BRCC3: variants seen among roughly 807,000 people sequenced by gnomAD.
BRCC3 encodes the protein lys-63-specific deubiquitinase BRCC36.
A neutral mutation model predicts 28.0 loss-of-function variants in BRCC3; 15 were observed. That is an observed-to-expected ratio of 0.54 (90% CI 0.36 to 0.82). The LOEUF (loss-of-function observed/expected upper bound fraction) is 0.82. Among genes scored for constraint, BRCC3 ranks in the 40% least tolerant of loss-of-function variants. The pLI is 0.01. For missense variants in BRCC3, 109 were observed against 225.9 expected (o/e 0.48, Z 3.32); for synonymous variants, 66 against 80.3 (o/e 0.82, Z 0.95).
At chrX:155,094,750 G>A (rs1362931350) in intron 7 of BRCC3, among the ~76,000 whole-genome samples, 1 of 111,808 alleles carries the variant, frequency 8.9e-6, no homozygotes, top group Non-Finnish European at 1.9e-5. Context: ...AGAAGGCTGC[G>A]GAAAATTGAA....
chrX:155,100,014 G>A (rs1399973446), intron 7 of BRCC3, among the ~76,000 whole-genome samples: 2 of 111,627 alleles, frequency 1.8e-5, no homozygotes, highest in Non-Finnish European at 3.8e-5. Context: ...GTTATTACTC[G>A]ATGTTTTTTA....
intron 7 of BRCC3, among the ~76,000 whole-genome samples, chrX:155,111,208 A>G (rs1010773862): frequency 8.9e-6 from 1 of 112,157 alleles, no homozygotes; most frequent in African/African-American, 3.2e-5. Flanking sequence ...TGTAAATTTT[A>G]CAACTGAAAA....
intron 8 of BRCC3, 48 bp downstream of exon 8, chrX:155,116,236 C>G (rs782448597): frequency 4.5e-6 from 5 of 1,106,034 alleles, no homozygotes; most frequent in Non-Finnish European, 6.0e-6. Flanking sequence ...GACCTAGTCT[C>G]TCTTTTCTTC....
chrX:155,099,798 C>T (rs2074235802), intron 7 of BRCC3, among the ~76,000 whole-genome samples: 1 of 111,865 alleles, frequency 8.9e-6, no homozygotes, highest in Non-Finnish European at 1.9e-5. Context: ...TTTAAGCAAT[C>T]AGGACATTCG....
intron 7 of BRCC3, among the ~76,000 whole-genome samples, chrX:155,111,335 A>C (rs1262148381): frequency 1.8e-5 from 2 of 111,854 alleles, no homozygotes; most frequent in African/African-American, 6.5e-5. Flanking sequence ...GCTGGATAAC[A>C]GACAGAAAAG....
chrX:155,078,367 G>A (rs782442272), intron 4 of BRCC3, among the ~76,000 whole-genome samples: 36 of 112,138 alleles, frequency 3.2e-4, no homozygotes, highest in African/African-American at 9.7e-4. Flanking sequence ...GTAAGGATTC[G>A]AGTGATGAAA....
At chrX:155,077,414 GT>G in intron 4 of BRCC3, 125 bp downstream of exon 4, 2 of 654,050 alleles carry the variant, frequency 3.1e-6, no homozygotes, top group Non-Finnish European at 4.1e-6. Flanking sequence ...CAATTGTTTG[GT>G]TTTTAGAATT....
chrX:155,076,386 C>CAAAAACAA (rs374672684), intron 3 of BRCC3, among the ~76,000 whole-genome samples: 4 of 106,681 alleles, frequency 3.7e-5, no homozygotes, highest in African/African-American at 1.4e-4. Flanking sequence ...GAGACTGTGT[C>CAAAAACAA]AAAAACAAAA....
chrX:155,099,267 A>ACTC (rs781902723), intron 7 of BRCC3: 1 of 1,184,671 alleles, frequency 8.4e-7, no homozygotes, highest in South Asian at 1.9e-5. Flanking sequence ...AGGGACCCAG[A>ACTC]CTCCTCTATT....
At chrX:155,094,176 C>T (rs1322483941) in intron 7 of BRCC3, among the ~76,000 whole-genome samples, 4 of 110,846 alleles carry the variant, frequency 3.6e-5, no homozygotes, top group South Asian at 3.8e-4. Flanking sequence ...CTTCACTTTA[C>T]GGTGAATAGG....
At chrX:155,106,598 G>A (rs2074286196) in intron 7 of BRCC3, among the ~76,000 whole-genome samples, 1 of 112,480 alleles carries the variant, frequency 8.9e-6, no homozygotes, top group South Asian at 3.6e-4. Context: ...GAAAGATTCT[G>A]TATTCAGGAA....
intron 5 of BRCC3, among the ~76,000 whole-genome samples, chrX:155,085,707 A>G (rs1175572639): frequency 1.8e-5 from 2 of 112,300 alleles, no homozygotes; most frequent in Non-Finnish European, 3.8e-5. Context: ...GGTGAGGATA[A>G]TGTCACCAGA....
chrX:155,107,914 A>G (rs1434284684), intron 7 of BRCC3, among the ~76,000 whole-genome samples: 2 of 111,647 alleles, frequency 1.8e-5, no homozygotes, highest in African/African-American at 3.3e-5. Flanking sequence ...TAGCTTTTCA[A>G]TTGAAGTGTA....
intron 1 of BRCC3, among the ~76,000 whole-genome samples, chrX:155,072,089 C>T (rs2073988505): frequency 8.9e-6 from 1 of 111,972 alleles, no homozygotes; most frequent in East Asian, 2.8e-4. Context: ...TGAAGGGTAT[C>T]GAAGAGCCTA....
chrX:155,078,858 T>C, intron 5 of BRCC3, 155 bp downstream of exon 5: 4 of 396,727 alleles, frequency 1.0e-5, no homozygotes, highest in South Asian at 5.3e-5. Flanking sequence ...TTAAAAGTAA[T>C]GATTTATGTC....
chrX:155,072,340 C>A lies in BRCC3; in HGVS notation c.137C>A (p.Thr46Lys), dbSNP rs61755261. 4.3e-5 allele frequency: 51 copies of A among 1,187,414 alleles called. No homozygotes were observed. Among genetic ancestry groups the A allele is most frequent in the Non-Finnish European group, 5.5e-5 (48 of 876,336 alleles). The change falls in exon 2 of 11, where the codon ACA becomes AAA. Residue 46 changes from threonine to lysine, a missense_variant. Thr to Lys is a moderately conservative substitution (Grantham distance 78). Around this residue, in one of 3 missense-constraint regions of BRCC3, gnomAD observed 58 missense variants for 92.8 expected, o/e 0.63. Transcript: ENST00000330045. ...TTCCCACTCTAGTTGAACGATGATA[C>A]AAGGTAAGACTGTATTTGTTTACTC... ...GLCIGELNDDTRSDSKFAYTG... is the reference protein window; with the variant it reads ...GLCIGELNDDKRSDSKFAYTG...
chrX:155,102,272 G>A (rs1557296963), intron 7 of BRCC3, among the ~76,000 whole-genome samples: 4 of 111,158 alleles, frequency 3.6e-5, no homozygotes. Flanking sequence ...TCTCAGTAAT[G>A]GTTTGTGGTT....
rs1179189636 is a variant in BRCC3, at chrX:155,086,517, A to AT, written c.404-2733dup. Among the ~76,000 whole-genome samples, 350 of 102,738 alleles carry AT rather than the reference A, an allele frequency of 3.4e-3. 4 individuals carry two copies. The highest frequency in any genetic ancestry group is 5.1e-3 in the South Asian group (12 of 2,353). The allele number at this position is 102,738 out of a possible 115,157, so 89.2% of individuals were successfully genotyped here. ...AGGCACGCGCCACCACGCCTGGCTA[A>AT]TTTTTTTTTTTTTGCATTTTGAGTA... On this transcript the variant is annotated intron_variant, in intron 5 of 10. Transcript: ENST00000330045.
At chrX:155,086,968 A>G (rs2074134939) in intron 5 of BRCC3, among the ~76,000 whole-genome samples, 1 of 112,125 alleles carries the variant, frequency 8.9e-6, no homozygotes, top group Non-Finnish European at 1.9e-5. Context: ...AGAGAAGGAA[A>G]GGCTGAGAGG....
Sources: allele counts gnomAD v4.1 joint callset (sites outside exome capture counted in the v4.1 genomes callset), GRCh38; gene constraint gnomAD v4.1.1; regional missense constraint gnomAD v4.1.1; transcripts MANE v1.5; gene names NCBI Gene and HGNC (gene_info 2026-07-23, HGNC 2026-07-21).